Variants in XPNPEP1 observed in about 807,000 individuals in gnomAD.
XPNPEP1 encodes the protein xaa-Pro aminopeptidase 1.
XPNPEP1 carries 39 observed loss-of-function variants against 92.4 expected under a neutral mutation model. The ratio of observed to expected loss-of-function variants is 0.42; its 90% CI spans 0.33 to 0.55. The LOEUF (loss-of-function observed/expected upper bound fraction) is 0.55, where lower values mean the gene tolerates loss of function less well. Among genes scored for constraint, XPNPEP1 ranks in the 20% least tolerant of loss-of-function variants. The pLI is 0.08. For missense variants in XPNPEP1, 654 were observed against 856.1 expected (o/e 0.76, Z 2.95); for synonymous variants, 307 against 299.4 (o/e 1.03, Z -0.26).
chr10:109,877,834 T>C lies in XPNPEP1; in HGVS notation c.1275A>G (p.Pro425=). The C allele has an allele frequency of 6.2e-7, 1 of 1,614,220 alleles. No homozygotes were observed. Among genetic ancestry groups the C allele is most frequent in the Non-Finnish European group, 8.5e-7 (1 of 1,180,032 alleles). ...CGTTGGGTCCCGTACTGGAAATTGT[T>C]GGGAAGCTCAGGTCCACAAAGTCTG... ...QQADFVDLSF[P]TISSTGPNGA... Residue 425 remains proline, a synonymous_variant, in exon 14 of 21, where the codon CCA becomes CCG. Coordinates refer to ENST00000502935, the MANE Select transcript of XPNPEP1 (RefSeq NM_020383.4).
chr10:109,902,173 T>C (rs767316362), intron 3 of XPNPEP1, among the ~76,000 whole-genome samples: 1 of 152,218 alleles, frequency 6.6e-6, no homozygotes, highest in Non-Finnish European at 1.5e-5. Flanking sequence ...ATCTCATTCA[T>C]CTCCACAACA....
At chr10:109,883,124 C>A (rs953443676) in intron 9 of XPNPEP1, among the ~76,000 whole-genome samples, 2 of 152,130 alleles carry the variant, frequency 1.3e-5, no homozygotes, top group Admixed American at 1.3e-4. Flanking sequence ...TATTCTTGTT[C>A]AGAAAAAGAA....
chr10:109,885,539 T>C (rs1399926780), intron 8 of XPNPEP1, among the ~76,000 whole-genome samples: 1 of 152,214 alleles, frequency 6.6e-6, no homozygotes, highest in African/African-American at 2.4e-5. Flanking sequence ...ACTGACACAC[T>C]TGACAATGTT....
chr10:109,874,765 T>C (rs1031575117), intron 15 of XPNPEP1, among the ~76,000 whole-genome samples: 1 of 152,068 alleles, frequency 6.6e-6, no homozygotes, highest in Non-Finnish European at 1.5e-5. Context: ...CTGGCTAACA[T>C]GGTGAAACCC....
At chr10:109,873,319 T>TC (rs1252893590) in intron 16 of XPNPEP1, 48 bp downstream of exon 16, 1 of 1,599,210 alleles carries the variant, frequency 6.3e-7, no homozygotes, top group South Asian at 1.1e-5. Context: ...GCAATGCTCT[T>TC]CTTAAGAAAG....
In XPNPEP1 at chr10:109,888,064, C is replaced by T. The variant is rs1413038466; in HGVS notation, c.637G>A (p.Gly213Ser). The change falls in exon 7 of 21, where the codon GGC (glycine) becomes AGC (serine). Residue 213 changes from glycine to serine, a missense_variant. Physicochemically the swap from Gly to Ser is moderately conservative, Grantham distance 56. Coordinates refer to ENST00000502935, the MANE Select transcript of XPNPEP1 (RefSeq NM_020383.4). Reference sequence around the variant, plus strand: ...TGATTCTGACCTGTGTAATCCAGGCCCAGTGTGAGGAGAGGCTTGCAAGGG... The same window carrying T: ...TGATTCTGACCTGTGTAATCCAGGCTCAGTGTGAGGAGAGGCTTGCAAGGG... ...ERPCKPLLTL[G>S]LDYTGISWKD... is the part of the protein sequence containing the mutation. 15 of 1,614,014 alleles carry T rather than the reference C, an allele frequency of 9.3e-6. No homozygotes were observed. Among genetic ancestry groups the T allele is most frequent in the Non-Finnish European group, 1.3e-5 (15 of 1,180,012 alleles).
chr10:109,877,701 A>G, intron 14 of XPNPEP1, 89 bp downstream of exon 14: 1 of 1,485,136 alleles, frequency 6.7e-7, no homozygotes, highest in Non-Finnish European at 9.4e-7. Flanking sequence ...GTGGGCACAG[A>G]GGCCTCTGGT....
intron 1 of XPNPEP1, among the ~76,000 whole-genome samples, chr10:109,922,524 T>C (rs891022696): frequency 1.3e-5 from 2 of 152,184 alleles, no homozygotes; most frequent in African/African-American, 4.8e-5. Context: ...CAAGGTAGGT[T>C]TGGGACCCCC....
At chr10:109,888,301 CCA>C in intron 6 of XPNPEP1, 109 bp from the exon 7 acceptor site, 1 of 1,457,518 alleles carries the variant, frequency 6.9e-7, no homozygotes, top group Non-Finnish European at 9.1e-7. Flanking sequence ...CTGCCATGGC[CCA>C]GAGCTGGGTG....
intron 9 of XPNPEP1, 123 bp downstream of exon 9, chr10:109,883,944 G>C (rs1848247076): frequency 1.2e-6 from 1 of 805,826 alleles, no homozygotes; most frequent in African/African-American, 1.8e-5. Context: ...TGTTAAAAGG[G>C]CAAGAAAAAA....
At chr10:109,916,233 A>G (rs559542498) in intron 1 of XPNPEP1, among the ~76,000 whole-genome samples, 11 of 152,170 alleles carry the variant, frequency 7.2e-5, no homozygotes, top group Non-Finnish European at 1.5e-4. Context: ...CACAGACCTA[A>G]AAAGAGTGAG....
intron 1 of XPNPEP1, 117 bp downstream of exon 1, chr10:109,923,285 C>G (rs1850660421): frequency 1.6e-6 from 2 of 1,218,418 alleles, no homozygotes; most frequent in Non-Finnish European, 2.0e-6. Flanking sequence ...CCTCGCCAGA[C>G]TGCGGCGGGC....
In XPNPEP1 at chr10:109,923,388, CG is replaced by C; in HGVS notation, c.32+13del. 7.0e-7 allele frequency: 1 copy of C among 1,431,964 alleles called. No homozygotes were observed. Among genetic ancestry groups the C allele is most frequent in the Non-Finnish European group, 9.2e-7 (1 of 1,091,976 alleles). The allele number at this position is 1,431,964 out of a possible 1,614,324, so 88.7% of individuals were successfully genotyped here. A position where few individuals can be genotyped will look rare whatever the true frequency, so the allele number is the denominator to read the frequency against. ...ACGCTGCCCGGACGCCGGCTGCCGG[CG>C]GAGTGCCCTCACCTTACTCGCGGTG... On this transcript the variant is annotated intron_variant, in intron 1 of 20. Coordinates refer to ENST00000502935, the MANE Select transcript of XPNPEP1 (RefSeq NM_020383.4).
At chr10:109,879,890 T>C (rs1487682513) in intron 12 of XPNPEP1, among the ~76,000 whole-genome samples, 3 of 152,162 alleles carry the variant, frequency 2.0e-5, no homozygotes, top group African/African-American at 7.2e-5. Context: ...TATAATAATA[T>C]TATAAGACTC....
At position 109,881,342 on chromosome 10, in the gene XPNPEP1, T is replaced by C. The variant is rs565199237; in HGVS notation, c.1042-411A>G. Among the ~76,000 whole-genome samples the C allele has an allele frequency of 3.9e-3, 597 of 152,306 alleles. 6 individuals are homozygous for C. The highest frequency in any genetic ancestry group is 6.4e-3 in the Non-Finnish European group (434 of 68,028). ...TCCCTGTCTAGCCATGCACATGACCTGATGAGTGAGGTCTCCTGCTCCCTC... is the reference window on the plus strand; with the variant it reads ...TCCCTGTCTAGCCATGCACATGACCCGATGAGTGAGGTCTCCTGCTCCCTC... On this transcript the variant is annotated intron_variant, in intron 10 of 20. Transcript: ENST00000502935.
chr10:109,885,129 G>T (rs573031715), intron 8 of XPNPEP1, among the ~76,000 whole-genome samples: 27 of 152,272 alleles, frequency 1.8e-4, no homozygotes, highest in African/African-American at 6.5e-4. Context: ...CTAAGACATG[G>T]ATTCATGAAC....
intron 2 of XPNPEP1, among the ~76,000 whole-genome samples, chr10:109,911,087 T>C (rs559491719): frequency 1.3e-5 from 2 of 152,342 alleles, no homozygotes; most frequent in South Asian, 4.1e-4. Flanking sequence ...CATACTGATC[T>C]TGAGCTAGAA....
At chr10:109,886,493 T>TA in intron 7 of XPNPEP1, 152 bp from the exon 8 acceptor site, 2 of 703,084 alleles carry the variant, frequency 2.8e-6, no homozygotes, top group Non-Finnish European at 4.8e-6. Context: ...TCAAGCCCTA[T>TA]ACAAGAAGTG....
intron 4 of XPNPEP1, 25 bp downstream of exon 4, chr10:109,892,987 G>A: frequency 6.2e-7 from 1 of 1,611,502 alleles, no homozygotes; most frequent in Non-Finnish European, 8.5e-7. Context: ...GGTGCAGCAA[G>A]AACAGAGAAA....
Sources: allele counts gnomAD v4.1 joint callset (sites outside exome capture counted in the v4.1 genomes callset), GRCh38; gene constraint gnomAD v4.1.1; transcripts MANE v1.5; gene names NCBI Gene and HGNC (gene_info 2026-07-23, HGNC 2026-07-21).